Variants in HMOX2 observed in about 807,000 individuals in gnomAD.
HMOX2 encodes the protein heme oxygenase 2, also known as heme oxygenase (decycling) 2.
In HMOX2, 30 loss-of-function variants were observed where a neutral mutation model predicts 33.7. The observed-to-expected ratio is 0.89, with a 90% CI of 0.67 to 1.21. The LOEUF is 1.21. Ranked by LOEUF, HMOX2 falls within the 50% of genes most tolerant of loss-of-function variation. HMOX2 has a pLI of 0.00. For synonymous variants in HMOX2, 155 were observed against 155.0 expected (o/e 1.00, Z 0.00); for missense variants, 403 against 399.1 (o/e 1.01, Z -0.08).
intron 1 of HMOX2, among the ~76,000 whole-genome samples, chr16:4,499,199 A>G (rs1174841971): frequency 1.3e-5 from 2 of 152,206 alleles, no homozygotes; most frequent in South Asian, 2.1e-4. Flanking sequence ...TAAGAGCTCA[A>G]TATTTGAGGT....
chr16:4,507,174 G>C (rs1022318511), intron 3 of HMOX2, among the ~76,000 whole-genome samples, 162 bp downstream of exon 3: 2 of 152,158 alleles, frequency 1.3e-5, no homozygotes, highest in African/African-American at 2.4e-5. Flanking sequence ...GCTGGGTACA[G>C]TGGCTCATGT....
chr16:4,506,156 A>C lies in HMOX2; in HGVS notation c.86+546A>C, dbSNP rs370127300. ...TGATAACGAGCTAATCTCCTAAAGA[A>C]GACAGCAGAAGCCAGACCATGATAA... On this transcript the variant is annotated intron_variant, in intron 2 of 5. Coordinates refer to ENST00000570646, the MANE Select transcript of HMOX2 (RefSeq NM_002134.4). Among the ~76,000 whole-genome samples, 41 of 152,360 alleles carry C rather than the reference A, an allele frequency of 2.7e-4. 1 individual carries two copies. In the South Asian group the frequency reaches 6.8e-3, roughly 25 times the overall value.
chr16:4,492,807 C>A (rs770881775), intron 1 of HMOX2, among the ~76,000 whole-genome samples: 2 of 151,754 alleles, frequency 1.3e-5, no homozygotes, highest in Non-Finnish European at 2.9e-5. Flanking sequence ...GAGGCCGAGG[C>A]GGGCGGATCA....
intron 1 of HMOX2, among the ~76,000 whole-genome samples, chr16:4,487,328 C>T (rs1361042190): frequency 6.6e-6 from 1 of 151,244 alleles, no homozygotes; most frequent in South Asian, 2.1e-4. Flanking sequence ...CCTAGGTGGG[C>T]GGATCACCTG....
intron 1 of HMOX2, chr16:4,481,810 T>C (rs1444332227): frequency 6.6e-6 from 1 of 152,210 alleles, no homozygotes; most frequent in African/African-American, 2.4e-5. Context: ...GATCTGCTGT[T>C]GTGTCTGGCA....
chr16:4,510,016 C>G lies in HMOX2; in HGVS notation c.*260C>G, dbSNP rs572104074. 3.8e-6 allele frequency: 2 copies of G among 522,300 alleles called. No individual in the cohort carries two copies. Among genetic ancestry groups the G allele is most frequent in the African/African-American group, 3.8e-5 (2 of 52,920 alleles). 32.4% of individuals were successfully genotyped at this position (522,300 alleles called of 1,614,324 possible). ...GCCTGGCCCCCGACCCAGCTCTACT[C>G]CAGGCTTCCACACTTCTGGGCCCTA... On this transcript the variant is annotated 3_prime_UTR_variant, in exon 6 of 6. Transcript: ENST00000570646.
intron 1 of HMOX2, among the ~76,000 whole-genome samples, chr16:4,490,502 A>G (rs781028470): frequency 6.6e-6 from 1 of 152,220 alleles, no homozygotes; most frequent in African/African-American, 2.4e-5. Context: ...TCCCAGTTAT[A>G]TGTTCCATCC....
Position 4,510,171 on chromosome 16 carries a change from T to C in HMOX2, c.*415T>C. On this transcript the variant is annotated 3_prime_UTR_variant, in exon 6 of 6. Transcript: ENST00000570646. Reference sequence around the variant, plus strand: ...TGCTGCTGTACAACTTCTGGGCCTCTCTTGGACCCTGGGAGTGAGGGTGGG... The same window carrying C: ...TGCTGCTGTACAACTTCTGGGCCTCCCTTGGACCCTGGGAGTGAGGGTGGG... 1 of 190,950 alleles carries C rather than the reference T, an allele frequency of 5.2e-6. No individual in the cohort carries two copies. Among genetic ancestry groups the C allele is most frequent in the Non-Finnish European group, 1.1e-5 (1 of 91,106 alleles). 11.8% of individuals were successfully genotyped at this position (190,950 alleles called of 1,614,324 possible).
rs1401279877 is a variant in HMOX2, at chr16:4,506,914, C to G, written c.106C>G (p.Leu36Val). 4 of 1,613,652 alleles carry G rather than the reference C, an allele frequency of 2.5e-6. No individual in the cohort carries two copies. The highest frequency in any genetic ancestry group is 3.4e-6 in the Non-Finnish European group (4 of 1,179,572). ...NQMRMADLSE[L>V]LKEGTKEAHD... Reference sequence around the variant, plus strand: ...CCACAGAATGGCTGACCTCTCGGAGCTCCTGAAGGAAGGGACCAAGGAAGC... The same window carrying G: ...CCACAGAATGGCTGACCTCTCGGAGGTCCTGAAGGAAGGGACCAAGGAAGC... Residue 36 changes from leucine to valine, a missense_variant, in exon 3 of 6, where the codon CTC becomes GTC. Coordinates refer to ENST00000570646, the MANE Select transcript of HMOX2 (RefSeq NM_002134.4).
intron 1 of HMOX2, among the ~76,000 whole-genome samples, chr16:4,498,281 GGT>G (rs773991682): frequency 1.2e-3 from 176 of 151,824 alleles, no homozygotes; most frequent in Non-Finnish European, 2.0e-3. Flanking sequence ...TGGCCAGGCT[GGT>G]CTTGAATGCC....
At chr16:4,478,383 G>A (rs749528515) in intron 1 of HMOX2, among the ~76,000 whole-genome samples, 1 of 152,120 alleles carries the variant, frequency 6.6e-6, no homozygotes, top group Non-Finnish European at 1.5e-5. Flanking sequence ...CTCTTCACAG[G>A]ACAGTTGGGC....
chr16:4,509,076 G>A (rs1468573033), intron 4 of HMOX2, among the ~76,000 whole-genome samples: 1 of 152,222 alleles, frequency 6.6e-6, no homozygotes, highest in Non-Finnish European at 1.5e-5. Flanking sequence ...AGTGTAGCCA[G>A]GCGCAGTAGC....
intron 1 of HMOX2, among the ~76,000 whole-genome samples, chr16:4,504,464 G>A (rs1596472798): frequency 6.9e-6 from 1 of 144,146 alleles, no homozygotes; most frequent in Admixed American, 7.3e-5. Context: ...AGGTTCAAGT[G>A]ATTCTCCTGC....
intron 1 of HMOX2, among the ~76,000 whole-genome samples, chr16:4,479,199 A>G (rs1300016655): frequency 6.6e-6 from 1 of 152,104 alleles, no homozygotes; most frequent in Non-Finnish European, 1.5e-5. Flanking sequence ...GGATGCTAGC[A>G]CATACCTGTA....
At chr16:4,481,359 A>AG (rs1285241397) in intron 1 of HMOX2, among the ~76,000 whole-genome samples, 3 of 151,940 alleles carry the variant, frequency 2.0e-5, no homozygotes, top group East Asian at 1.9e-4. Context: ...AAAAAAAAAA[A>AG]AAAAAAGAAA....
intron 1 of HMOX2, among the ~76,000 whole-genome samples, chr16:4,484,372 A>T (rs1341975110): frequency 3.3e-5 from 5 of 152,010 alleles, no homozygotes; most frequent in African/African-American, 4.8e-5. Context: ...TGAGAAGTAT[A>T]TATAGTTATC....
At chr16:4,482,186 T>C (rs17881650) in intron 1 of HMOX2, among the ~76,000 whole-genome samples, 5,186 of 152,276 alleles carry the variant, frequency 0.034, 308 homozygotes, top group African/African-American at 0.12. Context: ...CAAATGTCTG[T>C]GTTCAGTGTC....
intron 1 of HMOX2, among the ~76,000 whole-genome samples, chr16:4,485,786 TTGATCTCGGCTCACTGCAACC>T (rs2058152703): frequency 1.3e-5 from 2 of 152,132 alleles, no homozygotes; most frequent in Admixed American, 6.5e-5. Context: ...GTGCAATGGC[TTGATCTCGGCTCACTGCAACC>T]TCTGCCTCCC....
intron 1 of HMOX2, among the ~76,000 whole-genome samples, chr16:4,500,446 A>G (rs1161406416): frequency 6.6e-6 from 1 of 151,764 alleles, no homozygotes; most frequent in Admixed American, 6.6e-5. Context: ...AAGTGTCACT[A>G]TTTCATTGAG....
Sources: allele counts gnomAD v4.1 joint callset (sites outside exome capture counted in the v4.1 genomes callset), GRCh38; gene constraint gnomAD v4.1.1; transcripts MANE v1.5; gene names NCBI Gene and HGNC (gene_info 2026-07-23, HGNC 2026-07-21).